Variants in NCALD observed in about 807,000 individuals in gnomAD.
NCALD encodes the protein neurocalcin delta.
In NCALD, 10 loss-of-function variants were observed where a neutral mutation model predicts 18.6. The ratio of observed to expected loss-of-function variants is 0.54; its 90% CI spans 0.33 to 0.91. NCALD has a LOEUF of 0.91. NCALD is among the 40% of genes least tolerant of loss of function. The pLI, the probability that NCALD is intolerant of heterozygous loss-of-function variation, is 0.03. For missense variants in NCALD, 184 were observed against 247.6 expected, an observed-to-expected ratio of 0.74 and a Z score of 1.72; for synonymous variants, 88 against 87.4, an observed-to-expected ratio of 1.01 and a Z score of -0.04.
intron 4 of NCALD, among the ~76,000 whole-genome samples, chr8:101,880,688 CA>C (rs879353658): frequency 1.4e-4 from 21 of 151,632 alleles, no homozygotes; most frequent in African/African-American, 4.8e-4. Flanking sequence ...AAGCATTATA[CA>C]AAAAAAAGAA....
chr8:101,745,540 C>T (rs10955274), intron 1 of NCALD, among the ~76,000 whole-genome samples: 109,412 of 152,102 alleles, frequency 0.72, 39,735 homozygotes, highest in Non-Finnish European at 0.77. Flanking sequence ...ACTTTATAGA[C>T]AGGACTTGGT....
At position 101,726,892 on chromosome 8, in the gene NCALD, A is replaced by G. The variant is rs905084215; in HGVS notation, c.-19-7244T>C. On this transcript the variant is annotated intron_variant, in intron 1 of 3. Coordinates refer to ENST00000220931, the MANE Select transcript of NCALD (RefSeq NM_032041.3). ...CCAGATGACAGCACCAAAGAAGTCA[A>G]TGTAGATCAAGGACTGAGCCTTTGA... Among the ~76,000 whole-genome samples the G allele has an allele frequency of 3.9e-5, 6 of 152,270 alleles. No individual in the cohort carries two copies. In the South Asian group the frequency reaches 8.3e-4, roughly 21 times the overall value.
chr8:101,711,304 G>A (rs1003443724), intron 2 of NCALD, among the ~76,000 whole-genome samples: 9 of 152,138 alleles, frequency 5.9e-5, no homozygotes, highest in Non-Finnish European at 8.8e-5. Flanking sequence ...AATCCATGAA[G>A]ATGAAGAAAA....
At chr8:102,091,063 A>G (rs1231426827) in intron 1 of NCALD, among the ~76,000 whole-genome samples, 2 of 152,168 alleles carry the variant, frequency 1.3e-5, no homozygotes, top group African/African-American at 4.8e-5. Context: ...GTACCTCAAG[A>G]GAAGAGGAGT....
chr8:102,012,398 C>T (rs1432896768), intron 2 of NCALD, among the ~76,000 whole-genome samples: 2 of 152,252 alleles, frequency 1.3e-5, no homozygotes, highest in Non-Finnish European at 2.9e-5. Context: ...TAGCTGTCAA[C>T]TCCAACTCCC....
chr8:102,010,134 T>C (rs899816605), intron 2 of NCALD, among the ~76,000 whole-genome samples: 3 of 152,192 alleles, frequency 2.0e-5, no homozygotes, highest in African/African-American at 4.8e-5. Context: ...TTCTGAGAAA[T>C]AGCTAATCAC....
chr8:101,810,989 A>G (rs922093643), intron 4 of NCALD, among the ~76,000 whole-genome samples: 2 of 152,216 alleles, frequency 1.3e-5, no homozygotes, highest in Non-Finnish European at 2.9e-5. Context: ...TTTATTATGA[A>G]TTATCAGAAA....
chr8:101,987,350 G>A (rs1380659675), intron 2 of NCALD, among the ~76,000 whole-genome samples: 1 of 152,124 alleles, frequency 6.6e-6, no homozygotes, highest in Non-Finnish European at 1.5e-5. Context: ...TTTTCTTCTT[G>A]AACAAAATCA....
At chr8:102,058,246 G>A (rs998614538) in intron 1 of NCALD, among the ~76,000 whole-genome samples, 2 of 152,190 alleles carry the variant, frequency 1.3e-5, no homozygotes, top group Non-Finnish European at 2.9e-5. Context: ...CTCAGGCAAT[G>A]AGAATATAAA....
At chr8:101,785,703 A>T (rs1812197658) in intron 1 of NCALD, among the ~76,000 whole-genome samples, 1 of 152,192 alleles carries the variant, frequency 6.6e-6, no homozygotes, top group South Asian at 2.1e-4. Context: ...GACTCCTTTC[A>T]TAAAATACAA....
At position 101,741,976 on chromosome 8, in the gene NCALD, G is replaced by A. The variant is rs552028349; in HGVS notation, c.-19-22328C>T. Among the ~76,000 whole-genome samples, 58 of 130,606 alleles carry A rather than the reference G, an allele frequency of 4.4e-4. 1 individual carries two copies. The South Asian group carries it at 9.6e-3, about 22-fold the overall frequency. 85.7% of individuals were successfully genotyped at this position (130,606 alleles called of 152,430 possible). A position where few individuals can be genotyped will look rare whatever the true frequency, so the allele number is the denominator to read the frequency against. On this transcript the variant is annotated intron_variant, in intron 1 of 3. Coordinates refer to ENST00000220931, the MANE Select transcript of NCALD (RefSeq NM_032041.3). ...AAAGAAAAGAAAAAAAAAAAGGGCCGGGTGCGGTGGCTCACACCTGTAATC... is the reference window on the plus strand; with the variant it reads ...AAAGAAAAGAAAAAAAAAAAGGGCCAGGTGCGGTGGCTCACACCTGTAATC...
chr8:102,045,207 G>A (rs942198548), intron 1 of NCALD, among the ~76,000 whole-genome samples: 3 of 152,154 alleles, frequency 2.0e-5, no homozygotes, highest in South Asian at 4.1e-4. Flanking sequence ...GTAATCAAGT[G>A]GTTGAGAACT....
At chr8:102,013,114 A>G (rs1821963333) in intron 2 of NCALD, among the ~76,000 whole-genome samples, 1 of 152,096 alleles carries the variant, frequency 6.6e-6, no homozygotes, top group East Asian at 1.9e-4. Context: ...TATCTTCTTG[A>G]AACTACTAGA....
intron 4 of NCALD, among the ~76,000 whole-genome samples, chr8:101,826,927 C>A (rs1378360762): frequency 6.6e-6 from 1 of 152,188 alleles, no homozygotes; most frequent in Non-Finnish European, 1.5e-5. Flanking sequence ...AATGACCACA[C>A]AAGAAATAGA....
chr8:101,820,007 A>C (rs137956690), intron 4 of NCALD, among the ~76,000 whole-genome samples: 144 of 152,322 alleles, frequency 9.5e-4, no homozygotes, highest in African/African-American at 3.3e-3. Context: ...TTGTCTAACC[A>C]TTTTAAATTA....
chr8:101,893,447 T>G (rs1817001963), intron 3 of NCALD, among the ~76,000 whole-genome samples: 2 of 144,318 alleles, frequency 1.4e-5, no homozygotes, highest in Non-Finnish European at 3.0e-5. Flanking sequence ...AGGAAGAAAC[T>G]GCATCAACTA....
At chr8:102,032,088 G>A (rs189585355) in intron 1 of NCALD, among the ~76,000 whole-genome samples, 73 of 152,252 alleles carry the variant, frequency 4.8e-4, no homozygotes, top group East Asian at 5.8e-4. Flanking sequence ...ATGACCATAT[G>A]AGCTGAGCTG....
At chr8:101,939,714 T>G (rs1305164656) in intron 2 of NCALD, among the ~76,000 whole-genome samples, 3 of 152,218 alleles carry the variant, frequency 2.0e-5, no homozygotes, top group South Asian at 2.1e-4. Context: ...CTGATCAACT[T>G]ATTACATAAC....
At chr8:101,802,895 T>C (rs531307105) in intron 4 of NCALD, among the ~76,000 whole-genome samples, 180 of 70,198 alleles carry the variant, frequency 2.6e-3, no homozygotes, top group Middle Eastern at 0.01. Flanking sequence ...ATCTTGCTGC[T>C]GCTCAAAAAA....
Sources: allele counts gnomAD v4.1 joint callset (sites outside exome capture counted in the v4.1 genomes callset), GRCh38; gene constraint gnomAD v4.1.1; transcripts MANE v1.5; gene names NCBI Gene and HGNC (gene_info 2026-07-23, HGNC 2026-07-21).